The following SNTG1 variants were observed in gnomAD, a reference collection of about 807,000 sequenced individuals.
SNTG1 encodes gamma-1-syntrophin.
Under a neutral mutation model 74.7 loss-of-function variants are expected in SNTG1, and 39 were observed. That is an observed-to-expected ratio of 0.52 (90% CI 0.40 to 0.68). The LOEUF (loss-of-function observed/expected upper bound fraction) is 0.68, where lower values mean the gene tolerates loss of function less well. SNTG1 is among the 30% of genes least tolerant of loss of function. The probability of loss-of-function intolerance (pLI) is 0.00; values close to 1 mark genes in which losing one functional copy is unlikely to be tolerated. For missense variants in SNTG1, 685 were observed against 609.5 expected, an observed-to-expected ratio of 1.12 and a Z score of -1.30; for synonymous variants, 254 against 217.1, an observed-to-expected ratio of 1.17 and a Z score of -1.49.
At chr8:50,688,891 A>G (rs1170395525) in intron 15 of SNTG1, among the ~76,000 whole-genome samples, 3 of 152,032 alleles carry the variant, frequency 2.0e-5, no homozygotes, top group South Asian at 4.1e-4. Flanking sequence ...ACCCATGAGC[A>G]TGGAATGTTC....
At chr8:50,726,013 C>T (rs1489400926) in intron 17 of SNTG1, among the ~76,000 whole-genome samples, 1 of 152,146 alleles carries the variant, frequency 6.6e-6, no homozygotes, top group Non-Finnish European at 1.5e-5. Context: ...CAGGTTATAA[C>T]ACAATAATAC....
chr8:50,000,593 T>G (rs1814653261), intron 1 of SNTG1, among the ~76,000 whole-genome samples: 1 of 152,214 alleles, frequency 6.6e-6, no homozygotes, highest in African/African-American at 2.4e-5. Context: ...TTGCCTGTAG[T>G]GCAAATATCA....
intron 18 of SNTG1, among the ~76,000 whole-genome samples, chr8:50,755,179 T>C (rs534861144): frequency 6.6e-6 from 1 of 152,004 alleles, no homozygotes; most frequent in East Asian, 2.0e-4. Context: ...TGGGTTTTGA[T>C]ATATATAGTG....
At chr8:50,319,984 G>A (rs2130805442) in intron 2 of SNTG1, among the ~76,000 whole-genome samples, 1 of 152,272 alleles carries the variant, frequency 6.6e-6, no homozygotes, top group Middle Eastern at 3.4e-3. Context: ...TGTTTTTGAT[G>A]TGTCTTTGTC....
At chr8:50,366,520 T>C (rs1167166369) in intron 2 of SNTG1, among the ~76,000 whole-genome samples, 1 of 151,874 alleles carries the variant, frequency 6.6e-6, no homozygotes, top group African/African-American at 2.4e-5. Context: ...AGTTTTTCCC[T>C]AAATTTACTG....
intron 1 of SNTG1, among the ~76,000 whole-genome samples, chr8:50,057,550 A>G (rs1421958258): frequency 6.6e-6 from 1 of 152,162 alleles, no homozygotes; most frequent in African/African-American, 2.4e-5. Context: ...GGAAAATTAC[A>G]TAATCTCCCC....
chr8:50,540,709 C>T lies in SNTG1; in HGVS notation c.680+3901C>T, dbSNP rs115096067. 4.2e-3 allele frequency among the ~76,000 whole-genome samples: 635 copies of T among 152,058 alleles called. 7 individuals carry two copies. The highest frequency in any genetic ancestry group is 0.015 in the African/African-American group (614 of 41,510). On this transcript the variant is annotated intron_variant, in intron 11 of 18. Transcript: ENST00000642720. ...GTAGATTTAGAATTTTTATAAATTC[C>T]TGTTATATGATGCTTGATAATTATG...
chr8:50,102,389 C>A (rs1015909171), intron 1 of SNTG1, among the ~76,000 whole-genome samples: 1 of 151,500 alleles, frequency 6.6e-6, no homozygotes, highest in Non-Finnish European at 1.5e-5. Flanking sequence ...GTCCTTCACC[C>A]ACTTTTTGAT....
intron 1 of SNTG1, among the ~76,000 whole-genome samples, chr8:49,965,416 A>C (rs1811051854): frequency 6.6e-6 from 1 of 152,212 alleles, no homozygotes; most frequent in Non-Finnish European, 1.5e-5. Flanking sequence ...CTCACTGTCT[A>C]ATCAGTCTGT....
At chr8:50,629,384 C>T (rs1021477767) in intron 13 of SNTG1, among the ~76,000 whole-genome samples, 6 of 151,928 alleles carry the variant, frequency 3.9e-5, no homozygotes, top group African/African-American at 1.4e-4. Context: ...ATGCTTGTTC[C>T]TTCAAATGAG....
At chr8:50,752,918 G>T (rs1244150221) in intron 18 of SNTG1, among the ~76,000 whole-genome samples, 1 of 151,882 alleles carries the variant, frequency 6.6e-6, no homozygotes. Context: ...TTTTGTCTGA[G>T]TATCTCTCGA....
intron 6 of SNTG1, among the ~76,000 whole-genome samples, 180 bp downstream of exon 6, chr8:50,449,905 G>A (rs1192761681): frequency 1.3e-5 from 2 of 152,120 alleles, no homozygotes; most frequent in Non-Finnish European, 2.9e-5. Flanking sequence ...CTGTGGGAGA[G>A]GACTTCTCTC....
chr8:50,343,452 G>A (rs2091379939), intron 2 of SNTG1, among the ~76,000 whole-genome samples: 1 of 151,964 alleles, frequency 6.6e-6, no homozygotes, highest in African/African-American at 2.4e-5. Flanking sequence ...ATATTAGTGT[G>A]GTTGAAAGCA....
At chr8:50,578,373 GAAAAT>G (rs1206279983) in intron 12 of SNTG1, among the ~76,000 whole-genome samples, 1 of 152,092 alleles carries the variant, frequency 6.6e-6, no homozygotes, top group East Asian at 1.9e-4. Context: ...AGCTAAACAT[GAAAAT>G]AAAATAGATT....
rs1304649504 is a variant in SNTG1 at position 50,152,375 on chromosome 8, T to A, written c.-102-20186T>A. On this transcript the variant is annotated intron_variant, in intron 1 of 18. Coordinates refer to ENST00000642720, the MANE Select transcript of SNTG1 (RefSeq NM_018967.5). ...ACTCTTTATCCAATTTGCCAGTCTG[T>A]GTCTTTTAATTGTAGCATTTAGCCC... is the stretch of plus-strand genomic sequence containing the variant. Among the ~76,000 whole-genome samples, 3 of 152,206 alleles carry A rather than the reference T, an allele frequency of 2.0e-5. No individual in the cohort carries two copies. The East Asian group carries it at 5.8e-4, about 29-fold the overall frequency.
rs575502226 is a variant in SNTG1, at chr8:50,338,113, G to T, written c.-27-56099G>T. On this transcript the variant is annotated intron_variant, in intron 2 of 18. Coordinates refer to ENST00000642720, the MANE Select transcript of SNTG1 (RefSeq NM_018967.5). ...ATTGCGCCTGCACTCCAGACTGGGC[G>T]ACAGAGCAAGACTCTGTCTCAAAAA... is the stretch of plus-strand genomic sequence containing the variant. Among the ~76,000 whole-genome samples, 3 of 151,572 alleles carry T rather than the reference G, an allele frequency of 2.0e-5. No individual in the cohort carries two copies. In the East Asian group the frequency reaches 5.8e-4, roughly 29 times the overall value.
At chr8:50,138,668 A>AATAATT (rs1358822158) in intron 1 of SNTG1, among the ~76,000 whole-genome samples, 1 of 140,160 alleles carries the variant, frequency 7.1e-6, no homozygotes, top group African/African-American at 2.8e-5. Context: ...TAATAATAAT[A>AATAATT]ATTCCTTGAA....
At chr8:50,332,613 T>G (rs1216436633) in intron 2 of SNTG1, among the ~76,000 whole-genome samples, 2 of 152,184 alleles carry the variant, frequency 1.3e-5, no homozygotes, top group African/African-American at 4.8e-5. Flanking sequence ...GAATCAGCTC[T>G]TAAGTTGAGA....
At chr8:50,114,602 C>T (rs1207826976) in intron 1 of SNTG1, among the ~76,000 whole-genome samples, 1 of 152,144 alleles carries the variant, frequency 6.6e-6, no homozygotes, top group African/African-American at 2.4e-5. Flanking sequence ...CGCAGTGGCT[C>T]ACACCTGTAA....
Sources: gnomAD v4.1 joint callset for allele counts (sites outside exome capture counted in the v4.1 genomes callset) on GRCh38, gnomAD v4.1.1 for gene constraint, MANE v1.5 for transcripts, NCBI Gene and HGNC (gene_info 2026-07-23, HGNC 2026-07-21) for gene names.